ASB17: variants seen among roughly 807,000 people sequenced by gnomAD.
The protein encoded by ASB17 is ankyrin repeat and SOCS box protein 17.
In ASB17, 26 loss-of-function variants were observed where a neutral mutation model predicts 25.7. The observed-to-expected ratio is 1.01, with a 90% CI of 0.74 to 1.40. ASB17 has a LOEUF of 1.40. Among genes scored for constraint, ASB17 ranks in the 40% most tolerant of loss-of-function variants. ASB17 has a pLI of 0.00. For synonymous variants in ASB17, 128 were observed against 121.4 expected (o/e 1.05, Z -0.36); for missense variants, 326 against 338.5 (o/e 0.96, Z 0.29).
intron 1 of ASB17, among the ~76,000 whole-genome samples, 171 bp downstream of exon 1, chr1:75,931,720 A>C (rs1370120807): frequency 6.6e-6 from 1 of 152,182 alleles, no homozygotes; most frequent in Admixed American, 6.5e-5. Context: ...ATAAATAAAA[A>C]TGGAATACAT....
Position 75,922,298 on chromosome 1 carries a change from C to T in ASB17, c.463G>A (p.Ala155Thr). 1 of 1,613,196 alleles carries T rather than the reference C, an allele frequency of 6.2e-7. No individual in the cohort carries two copies. The highest frequency in any genetic ancestry group is 2.2e-5 in the East Asian group (1 of 44,830). Reference sequence around the variant, plus strand: ...AAGATATTAGACTGTCTTGTCTGAGCTACATAAAAGAGAGGTGTGATGCCA... The same window carrying T: ...AAGATATTAGACTGTCTTGTCTGAGTTACATAAAAGAGAGGTGTGATGCCA... ...LSGITPLFYV[A>T]QTRQSNIFKI... is the part of the protein sequence containing the mutation. The change falls in exon 2 of 3, where the codon GCT becomes ACT. Residue 155 changes from alanine (A) to threonine (T), a missense_variant. By Grantham distance (58) the Ala-to-Thr change is moderately conservative. Coordinates refer to ENST00000284142, the MANE Select transcript of ASB17 (RefSeq NM_080868.3).
chr1:75,921,525 GTTAA>G (rs1653028282), intron 2 of ASB17, among the ~76,000 whole-genome samples: 1 of 152,144 alleles, frequency 6.6e-6, no homozygotes, highest in Admixed American at 6.5e-5. Context: ...CCTGTATGCT[GTTAA>G]TTGTTTTCTC....
intron 1 of ASB17, among the ~76,000 whole-genome samples, chr1:75,922,992 A>C (rs886229039): frequency 6.6e-6 from 1 of 152,246 alleles, no homozygotes; most frequent in Admixed American, 6.5e-5. Context: ...ACAGTATTAC[A>C]AAACTGATGT....
At chr1:75,929,800 A>G (rs1287942871) in intron 1 of ASB17, among the ~76,000 whole-genome samples, 2 of 152,146 alleles carry the variant, frequency 1.3e-5, no homozygotes, top group Non-Finnish European at 2.9e-5. Flanking sequence ...GATGAAAAGA[A>G]AAAGAAATGA....
chr1:75,928,167 T>A (rs1653224279), intron 1 of ASB17, among the ~76,000 whole-genome samples: 2 of 152,212 alleles, frequency 1.3e-5, no homozygotes. Context: ...TTTCCTTCTC[T>A]GCTCTCTCTA....
chr1:75,929,976 G>GA (rs1175195721), intron 1 of ASB17, among the ~76,000 whole-genome samples: 1 of 146,442 alleles, frequency 6.8e-6, no homozygotes, highest in Non-Finnish European at 1.5e-5. Context: ...GCAGAGAGGG[G>GA]GGGTGAGTTA....
In ASB17 at chr1:75,932,053, C is replaced by T. The variant is rs148576874; in HGVS notation, c.239G>A (p.Arg80His). The T allele has an allele frequency of 5.4e-5, 87 of 1,613,946 alleles. No homozygotes were observed. In the Middle Eastern group the frequency reaches 1.3e-3, roughly 24 times the overall value. The change falls in exon 1 of 3, where the codon CGT becomes CAT. Residue 80 changes from arginine to histidine, a missense_variant. By Grantham distance (29) the Arg-to-His change is conservative. Transcript: ENST00000284142. The part of the protein sequence containing the change: ...YIAFVEKSGY[R>H]FEVSFNLDFT... ...GTCGAGGTTAAAACTTACTTCAAAA[C>T]GGTATCCTGATTTTTCCACAAATGC... is the stretch of plus-strand genomic sequence containing the variant.
intron 2 of ASB17, among the ~76,000 whole-genome samples, chr1:75,919,548 C>A (rs77585798): frequency 1.3e-4 from 20 of 152,176 alleles, no homozygotes; most frequent in Admixed American, 4.6e-4. Context: ...CCCCCTACCC[C>A]ACAACAGTAC....
chr1:75,921,153 C>T (rs952839284), intron 2 of ASB17, among the ~76,000 whole-genome samples: 12 of 151,928 alleles, frequency 7.9e-5, no homozygotes, highest in African/African-American at 2.9e-4. Flanking sequence ...TGTTCTGTAA[C>T]AATTATGCAG....
intron 1 of ASB17, among the ~76,000 whole-genome samples, chr1:75,926,283 ATAAG>A (rs1474220471): frequency 1.3e-5 from 2 of 152,236 alleles, no homozygotes; most frequent in Non-Finnish European, 2.9e-5. Context: ...GGAAAAAAGA[ATAAG>A]TAGAGCAGAA....
In ASB17 at chr1:75,930,743, T is replaced by C. The variant is rs545001748; in HGVS notation, c.401+1148A>G. 2.6e-5 allele frequency among the ~76,000 whole-genome samples: 4 copies of C among 152,258 alleles called. No individual in the cohort carries two copies. In the South Asian group the frequency reaches 8.3e-4, roughly 32 times the overall value. ...CCAGCTTTCTCCTCTCTGCTTCCAT[T>C]TTTAATTTTTAAAAATTTATTCTCT... On this transcript the variant is annotated intron_variant, in intron 1 of 2. Coordinates refer to ENST00000284142, the MANE Select transcript of ASB17 (RefSeq NM_080868.3).
At position 75,918,953 on chromosome 1, in the gene ASB17, T is replaced by C; in HGVS notation, c.887A>G (p.Ter296=). Residue 296 remains the stop codon, a stop_retained_variant, in exon 3 of 3, where the codon TAA becomes TGA. Transcript: ENST00000284142. ...AGGAACTTAGGACACTGACGTATGT[T>C]AGATTTCTAAATTCAGATAGTTTTG... The part of the protein sequence containing the change: ...RLQNYLNLEI[*] The C allele has an allele frequency of 1.9e-6, 3 of 1,605,420 alleles. No individual in the cohort carries two copies. Among genetic ancestry groups the C allele is most frequent in the Non-Finnish European group, 1.7e-6 (2 of 1,172,288 alleles).
chr1:75,931,261 C>T (rs977476208), intron 1 of ASB17, among the ~76,000 whole-genome samples: 34 of 152,120 alleles, frequency 2.2e-4, no homozygotes, highest in Non-Finnish European at 8.8e-5. Context: ...AACTAGGTAA[C>T]TTTAAATTCT....
chr1:75,922,221 G>A lies in ASB17; in HGVS notation c.540C>T (p.Asn180=). Residue 180 remains asparagine (N), a synonymous_variant, in exon 2 of 3, where the codon AAC becomes AAT. Coordinates refer to ENST00000284142, the MANE Select transcript of ASB17 (RefSeq NM_080868.3). ...GILEREKNPI[N]IVLTIVLYPS... ...GGTAGAGTACTATTGTTAAGACAAT[G>A]TTGATAGGGTTTTTTTCTCTTTCTA... 1 of 1,613,738 alleles carries A rather than the reference G, an allele frequency of 6.2e-7. No individual in the cohort carries two copies.
Position 75,932,078 on chromosome 1 carries a change from C to G in ASB17, c.214G>C (p.Ala72Pro). The change falls in exon 1 of 3, where the codon GCA becomes CCA. Residue 72 changes from alanine (A) to proline (P), a missense_variant. By Grantham distance (27) the Ala-to-Pro change is conservative. Transcript: ENST00000284142. ...GFDALLTDYI[A>P]FVEKSGYRFE... ...CGGTATCCTGATTTTTCCACAAATG[C>G]AATGTAATCTGTGAGTAGTGCGTCA... The G allele has an allele frequency of 6.2e-7, 1 of 1,613,988 alleles. No homozygotes were observed. Among genetic ancestry groups the G allele is most frequent in the South Asian group, 1.1e-5 (1 of 91,038 alleles).
chr1:75,922,110 C>T lies in ASB17; in HGVS notation c.651G>A (p.Val217=). 6.2e-7 allele frequency: 1 copy of T among 1,610,532 alleles called. No homozygotes were observed. Among genetic ancestry groups the T allele is most frequent in the Non-Finnish European group, 8.5e-7 (1 of 1,177,998 alleles). The change falls in exon 2 of 3, where the codon GTG becomes GTA. Residue 217 remains valine, a synonymous_variant. Transcript: ENST00000284142. ...AKTCLVLCSR[V]LSVISVKEIK... Reference sequence around the variant, plus strand: ...TTTCCTTGACTGAAATGACAGAAAGCACTCTGGAACATAGTACCAAACATG... The same window carrying T: ...TTTCCTTGACTGAAATGACAGAAAGTACTCTGGAACATAGTACCAAACATG...
chr1:75,921,079 T>G, intron 2 of ASB17, among the ~76,000 whole-genome samples: 1 of 152,200 alleles, frequency 6.6e-6, no homozygotes, highest in East Asian at 1.9e-4. Flanking sequence ...CGGCCTGTCC[T>G]AGTGCTTTTC....
chr1:75,930,206 TTTAG>T (rs1264447168), intron 1 of ASB17, among the ~76,000 whole-genome samples: 1 of 148,230 alleles, frequency 6.7e-6, no homozygotes, highest in East Asian at 1.9e-4. Flanking sequence ...GTTGTATTTA[TTTAG>T]TTATATAACT....
In ASB17 at chr1:75,927,651, C is replaced by T. The variant is rs568096302; in HGVS notation, c.401+4240G>A. Among the ~76,000 whole-genome samples the T allele has an allele frequency of 4.5e-4, 69 of 151,834 alleles. 1 individual carries two copies. Among genetic ancestry groups the T allele is most frequent in the African/African-American group, 1.6e-3 (66 of 41,394 alleles). On this transcript the variant is annotated intron_variant, in intron 1 of 2. Transcript: ENST00000284142. ...AGCCTCAGGGACCTTCTCTAACCACCCCCCTTTAAAAAAATTAGATCACTT... is the reference window on the plus strand; with the variant it reads ...AGCCTCAGGGACCTTCTCTAACCACTCCCCTTTAAAAAAATTAGATCACTT...
Sources: gnomAD v4.1 joint callset for allele counts (sites outside exome capture counted in the v4.1 genomes callset) on GRCh38, gnomAD v4.1.1 for gene constraint, MANE v1.5 for transcripts, NCBI Gene and HGNC (gene_info 2026-07-23, HGNC 2026-07-21) for gene names.